The following EPHA3 variants were observed in gnomAD, a reference collection of about 807,000 sequenced individuals.
The protein encoded by EPHA3 is ephrin type-A receptor 3.
Under a neutral mutation model 107.1 loss-of-function variants are expected in EPHA3, and 42 were observed. That is an observed-to-expected ratio of 0.39 (90% CI 0.31 to 0.51). The LOEUF (loss-of-function observed/expected upper bound fraction) is 0.51. EPHA3 is among the 20% of genes least tolerant of loss of function. EPHA3 has a pLI of 0.78. For synonymous variants in EPHA3, 461 were observed against 424.8 expected (o/e 1.09, Z -1.05); for missense variants, 1,183 against 1,211.2 (o/e 0.98, Z 0.35).
chr3:89,393,796 A>T (rs1559679061), intron 5 of EPHA3, among the ~76,000 whole-genome samples: 1 of 152,118 alleles, frequency 6.6e-6, no homozygotes. Flanking sequence ...TTTTTAAAAA[A>T]TCCACATATC....
At chr3:89,255,150 C>A (rs1425127150) in intron 3 of EPHA3, among the ~76,000 whole-genome samples, 1 of 152,030 alleles carries the variant, frequency 6.6e-6, no homozygotes, top group African/African-American at 2.4e-5. Flanking sequence ...TTAGAAAATT[C>A]TTATATATAG....
intron 2 of EPHA3, among the ~76,000 whole-genome samples, chr3:89,173,232 C>T (rs1705246513): frequency 6.6e-6 from 1 of 151,938 alleles, no homozygotes; most frequent in Admixed American, 6.6e-5. Context: ...AATTTGTATC[C>T]TTTGTTTGTT....
intron 10 of EPHA3, among the ~76,000 whole-genome samples, chr3:89,413,599 C>G (rs1709195658): frequency 6.6e-6 from 1 of 151,556 alleles, no homozygotes; most frequent in Admixed American, 6.6e-5. Flanking sequence ...TTTAGACAAC[C>G]CAGGTAATTT....
At chr3:89,460,527 A>G (rs1419891117) in intron 15 of EPHA3, among the ~76,000 whole-genome samples, 47 of 151,108 alleles carry the variant, frequency 3.1e-4, no homozygotes, top group Admixed American at 4.6e-4. Flanking sequence ...AGGAGTAAAA[A>G]TAAACAATAC....
chr3:89,270,907 C>T (rs1212048643), intron 3 of EPHA3, among the ~76,000 whole-genome samples: 1 of 151,894 alleles, frequency 6.6e-6, no homozygotes, highest in African/African-American at 2.4e-5. Flanking sequence ...TTTATTAAAT[C>T]AGAGTAGATC....
intron 15 of EPHA3, among the ~76,000 whole-genome samples, chr3:89,455,726 T>A (rs189649878): frequency 6.6e-6 from 1 of 152,366 alleles, no homozygotes; most frequent in East Asian, 1.9e-4. Flanking sequence ...TAGCACATGC[T>A]GTTTGCCTTG....
intron 5 of EPHA3, among the ~76,000 whole-genome samples, chr3:89,343,124 GCT>G (rs1254644390): frequency 1.3e-5 from 2 of 152,132 alleles, no homozygotes; most frequent in Admixed American, 1.3e-4. Context: ...TGTCCTGGAT[GCT>G]CTAGGCAAAA....
chr3:89,399,190 C>CTT, intron 6 of EPHA3, 128 bp from the exon 7 acceptor site: 1 of 889,172 alleles, frequency 1.1e-6, no homozygotes, highest in Non-Finnish European at 1.6e-6. Context: ...ATCGATATGA[C>CTT]TTTTTAAATC....
At chr3:89,116,100 T>A (rs7639401) in intron 1 of EPHA3, among the ~76,000 whole-genome samples, 110,264 of 152,068 alleles carry the variant, frequency 0.73, 40,227 homozygotes, top group Admixed American at 0.77. Flanking sequence ...AAGGAATTTG[T>A]TGTGGACAGA....
chr3:89,257,746 C>G (rs529530148), intron 3 of EPHA3, among the ~76,000 whole-genome samples: 1 of 151,290 alleles, frequency 6.6e-6, no homozygotes, highest in East Asian at 1.9e-4. Context: ...CCACACTGAT[C>G]CTAAATAAAA....
intron 3 of EPHA3, among the ~76,000 whole-genome samples, chr3:89,247,288 A>T (rs1705056057): frequency 6.6e-6 from 1 of 152,192 alleles, no homozygotes; most frequent in Non-Finnish European, 1.5e-5. Flanking sequence ...AAAGCAGATA[A>T]ACTTAAGGCC....
At chr3:89,216,867 T>G (rs139224948) in intron 3 of EPHA3, among the ~76,000 whole-genome samples, 15 of 152,276 alleles carry the variant, frequency 9.9e-5, no homozygotes, top group African/African-American at 3.4e-4. Flanking sequence ...CAGCTAATGT[T>G]TCATTTTCTT....
intron 3 of EPHA3, among the ~76,000 whole-genome samples, chr3:89,335,731 G>A (rs1707378471): frequency 6.6e-6 from 1 of 152,144 alleles, no homozygotes. Flanking sequence ...ATGGGAGAAA[G>A]CATCTCTGGA....
chr3:89,417,299 C>T (rs1346906296), intron 10 of EPHA3, among the ~76,000 whole-genome samples: 1 of 151,440 alleles, frequency 6.6e-6, no homozygotes, highest in Non-Finnish European at 1.5e-5. Flanking sequence ...AATTCGGCTG[C>T]AGGATCCATG....
At chr3:89,322,942 G>A (rs1275148593) in intron 3 of EPHA3, among the ~76,000 whole-genome samples, 3 of 152,000 alleles carry the variant, frequency 2.0e-5, no homozygotes, top group Non-Finnish European at 4.4e-5. Context: ...GTGTGGCAAA[G>A]GACTTGCCAT....
chr3:89,329,753 A>G (rs1180694869), intron 3 of EPHA3, among the ~76,000 whole-genome samples: 1 of 152,106 alleles, frequency 6.6e-6, no homozygotes, highest in Non-Finnish European at 1.5e-5. Flanking sequence ...TCATAACACC[A>G]TTAAATACTA....
At chr3:89,359,208 T>G (rs1708033609) in intron 5 of EPHA3, among the ~76,000 whole-genome samples, 1 of 151,068 alleles carries the variant, frequency 6.6e-6, no homozygotes, top group South Asian at 2.1e-4. Context: ...GAATAATCAT[T>G]TTAATTATGA....
chr3:89,215,486 T>C (rs1384820010), intron 3 of EPHA3, among the ~76,000 whole-genome samples: 1 of 151,910 alleles, frequency 6.6e-6, no homozygotes, highest in African/African-American at 2.4e-5. Context: ...GAATTCTTTG[T>C]TCTGTATATA....
At chr3:89,398,186 T>G (rs2107506826) in intron 6 of EPHA3, among the ~76,000 whole-genome samples, 1 of 152,312 alleles carries the variant, frequency 6.6e-6, no homozygotes, top group South Asian at 2.1e-4. Context: ...TACTATTCAA[T>G]CTCGTTTTGG....
Sources: gnomAD v4.1 joint callset for allele counts (sites outside exome capture counted in the v4.1 genomes callset) on GRCh38, gnomAD v4.1.1 for gene constraint, MANE v1.5 for transcripts, NCBI Gene and HGNC (gene_info 2026-07-23, HGNC 2026-07-21) for gene names.